Variants in FAM53A observed in about 807,000 individuals in gnomAD.
FAM53A encodes protein FAM53A.
In FAM53A, 28 loss-of-function variants were observed where a neutral mutation model predicts 26.6. That is an observed-to-expected ratio of 1.05 (90% confidence interval 0.78 to 1.45). FAM53A has a LOEUF of 1.45. FAM53A is among the 40% of genes most tolerant of loss of function. The pLI is 0.00. For missense variants in FAM53A, 650 were observed against 575.8 expected (o/e 1.13, Z -1.32); for synonymous variants, 290 against 253.1 (o/e 1.15, Z -1.38).
chr4:1,613,126 G>A (rs1168383922), downstream of FAM53A, among the ~76,000 whole-genome samples: 1 of 152,196 alleles, frequency 6.6e-6, no homozygotes, highest in Non-Finnish European at 1.5e-5. Context: ...CAGAAAGCAG[G>A]GCTATTCCCA....
the FAM53A span, among the ~76,000 whole-genome samples, chr4:1,596,112 G>C: frequency 6.6e-6 from 1 of 152,188 alleles, no homozygotes; most frequent in South Asian, 2.1e-4. Context: ...AGAGACAGAG[G>C]GACGAGGGGA....
chr4:1,662,124 G>C (rs910621472), intron 2 of FAM53A, among the ~76,000 whole-genome samples: 30 of 152,148 alleles, frequency 2.0e-4, no homozygotes, highest in African/African-American at 6.5e-4. Context: ...AGCACAAGAG[G>C]TGGAAACCAG....
At chr4:1,685,089 G>C (rs900469973), upstream of FAM53A, among the ~76,000 whole-genome samples, 10 of 152,160 alleles carry the variant, frequency 6.6e-5, no homozygotes, top group African/African-American at 2.4e-4. Flanking sequence ...GCTCGGGTGT[G>C]TCCTGGCTGA....
downstream of FAM53A, among the ~76,000 whole-genome samples, chr4:1,614,646 A>G (rs1345902778): frequency 6.6e-6 from 1 of 152,094 alleles, no homozygotes; most frequent in African/African-American, 2.4e-5. Flanking sequence ...CTGTCTAGGA[A>G]GCCTCTGCAC....
intron 1 of FAM53A, among the ~76,000 whole-genome samples, chr4:1,632,374 G>C (rs372506625): frequency 5.3e-5 from 8 of 152,054 alleles, no homozygotes; most frequent in Non-Finnish European, 1.0e-4. Context: ...GCGAGGCCCT[G>C]GGAGAAAGTG....
At chr4:1,580,265 G>C in the FAM53A span, 1 of 152,190 alleles carries the variant, frequency 6.6e-6, no homozygotes, top group Non-Finnish European at 1.5e-5. Flanking sequence ...CGAACCAACC[G>C]CGGAGGCCAG....
chr4:1,641,752 C>T, intron 4 of FAM53A, 145 bp from the exon 5 acceptor site: 1 of 788,498 alleles, frequency 1.3e-6, no homozygotes, highest in Non-Finnish European at 2.1e-6. Context: ...CCCCTGTACA[C>T]CAGCCACAGC....
intron 1 of FAM53A, among the ~76,000 whole-genome samples, chr4:1,631,470 C>T (rs1437384721): frequency 6.6e-6 from 1 of 152,202 alleles, no homozygotes; most frequent in African/African-American, 2.4e-5. Flanking sequence ...ATTACGGCTT[C>T]CTGTCCCTGG....
At chr4:1,580,577 GCCTCCTACCTCGGGCCCCA>G in the FAM53A span, among the ~76,000 whole-genome samples, 1 of 27,372 alleles carries the variant, frequency 3.7e-5, no homozygotes, top group African/African-American at 1.6e-4. Context: ...CCTAGGCCCC[GCCTCCTACCTCGGGCCCCA>G]CCTCCCGCCT....
At chr4:1,633,430 G>C (rs1715701185) in intron 1 of FAM53A, among the ~76,000 whole-genome samples, 1 of 152,170 alleles carries the variant, frequency 6.6e-6, no homozygotes, top group Non-Finnish European at 1.5e-5. Context: ...AAGCCAGATG[G>C]AGGAGGAGTT....
intron 4 of FAM53A, among the ~76,000 whole-genome samples, chr4:1,643,708 A>G (rs985495354): frequency 2.0e-5 from 3 of 151,568 alleles, no homozygotes; most frequent in Non-Finnish European, 2.9e-5. Context: ...CTGAGACAAC[A>G]GGTACATACC....
At chr4:1,626,767 T>C (rs1297973617) in intron 1 of FAM53A, among the ~76,000 whole-genome samples, 1 of 151,900 alleles carries the variant, frequency 6.6e-6, no homozygotes, top group Non-Finnish European at 1.5e-5. Context: ...GCTACAGCCA[T>C]GCCCTGAGCC....
At chr4:1,607,018 T>C in the FAM53A span, among the ~76,000 whole-genome samples, 1 of 152,078 alleles carries the variant, frequency 6.6e-6, no homozygotes, top group African/African-American at 2.4e-5. Flanking sequence ...CTTTCTGGGT[T>C]TTTTGTTTTC....
At chr4:1,667,671 G>A (rs1193041654) in intron 2 of FAM53A, among the ~76,000 whole-genome samples, 3 of 152,118 alleles carry the variant, frequency 2.0e-5, no homozygotes, top group East Asian at 1.9e-4. Flanking sequence ...CCAAAGGCCC[G>A]AGACCCACAG....
chr4:1,576,663 AG>A, the FAM53A span, among the ~76,000 whole-genome samples: 1 of 152,274 alleles, frequency 6.6e-6, no homozygotes, highest in East Asian at 1.9e-4. Flanking sequence ...AGAAAGTCGA[AG>A]AGGCGGCAGC....
At chr4:1,619,969 G>A (rs915218278) in intron 1 of FAM53A, among the ~76,000 whole-genome samples, 1 of 152,136 alleles carries the variant, frequency 6.6e-6, no homozygotes, top group Non-Finnish European at 1.5e-5. Context: ...CAGCACTTTC[G>A]GAGGCTGAGG....
intron 1 of FAM53A, among the ~76,000 whole-genome samples, chr4:1,677,098 T>C (rs114973512): frequency 0.015 from 2,269 of 152,244 alleles, 63 homozygotes; most frequent in African/African-American, 0.051. Flanking sequence ...CTCCCCCTCA[T>C]CTTGCAGCTT....
chr4:1,671,706 C>T (rs1380773085), intron 1 of FAM53A, among the ~76,000 whole-genome samples: 6 of 152,252 alleles, frequency 3.9e-5, no homozygotes, highest in Non-Finnish European at 8.8e-5. Flanking sequence ...CTAATCCCAC[C>T]AACCACTCCT....
chr4:1,607,865 A>G, the FAM53A span, among the ~76,000 whole-genome samples: 2 of 151,280 alleles, frequency 1.3e-5, no homozygotes, highest in African/African-American at 2.4e-5. Flanking sequence ...ACTTGAACCG[A>G]GGAGGCAGAG....
Sources: gnomAD v4.1 joint callset for allele counts (sites outside exome capture counted in the v4.1 genomes callset) on GRCh38, gnomAD v4.1.1 for gene constraint, MANE v1.5 for transcripts, NCBI Gene and HGNC (gene_info 2026-07-23, HGNC 2026-07-21) for gene names.